WDR33: variants seen among roughly 807,000 people sequenced by gnomAD.
WDR33 encodes pre-mRNA 3' end processing protein WDR33.
A neutral mutation model predicts 164.9 loss-of-function variants in WDR33; 47 were observed. The observed-to-expected ratio is 0.29, with a 90% CI of 0.23 to 0.36. The LOEUF is 0.36. WDR33 is among the 10% of genes least tolerant of loss of function. The pLI is 1.00. For synonymous variants in WDR33, 505 were observed against 589.0 expected, an observed-to-expected ratio of 0.86 and a Z score of 2.06; for missense variants, 1,137 against 1,754.1, an observed-to-expected ratio of 0.65 and a Z score of 6.28.
At chr2:127,800,721 T>A (rs917256693) in intron 1 of WDR33, among the ~76,000 whole-genome samples, 3 of 151,408 alleles carry the variant, frequency 2.0e-5, no homozygotes, top group Admixed American at 6.6e-5. Context: ...AATAAAACCA[T>A]AGACTTTACA....
At chr2:127,751,490 A>G (rs1405781384) in intron 7 of WDR33, among the ~76,000 whole-genome samples, 1 of 150,232 alleles carries the variant, frequency 6.7e-6, no homozygotes, top group African/African-American at 2.4e-5. Flanking sequence ...GTTTGAGGTT[A>G]TGGTGAGCTA....
At chr2:127,752,873 C>T (rs1687413456) in intron 7 of WDR33, among the ~76,000 whole-genome samples, 1 of 152,204 alleles carries the variant, frequency 6.6e-6, no homozygotes. Flanking sequence ...TTATCTGATG[C>T]ATCTAACAAC....
At position 127,701,429 on chromosome 2, in the gene WDR33, T is replaced by G; in HGVS notation, c.*4894A>C. 1 of 1,159,710 alleles carries G rather than the reference T, an allele frequency of 8.6e-7. No individual in the cohort carries two copies. The highest frequency in any genetic ancestry group is 1.1e-6 in the Non-Finnish European group (1 of 922,232). The allele number at this position is 1,159,710 out of a possible 1,614,324, so 71.8% of individuals were successfully genotyped here. On this transcript the variant is annotated 3_prime_UTR_variant, in exon 22 of 22. Transcript: ENST00000322313. Reference sequence around the variant, plus strand: ...CGCGAGCGCCGCAGGCCCTGCCCCTTTCGCCGTCGCCGACCAATTGCCGCC... The same window carrying G: ...CGCGAGCGCCGCAGGCCCTGCCCCTGTCGCCGTCGCCGACCAATTGCCGCC...
At chr2:127,765,007 A>T (rs369853071) in intron 5 of WDR33, 28 bp from the exon 6 acceptor site, 13 of 1,609,420 alleles carry the variant, frequency 8.1e-6, no homozygotes, top group Admixed American at 1.7e-5. Context: ...ATTAATTAGT[A>T]AGGTGCTGCT....
At chr2:127,785,119 G>C (rs1324110108) in intron 1 of WDR33, among the ~76,000 whole-genome samples, 1 of 152,130 alleles carries the variant, frequency 6.6e-6, no homozygotes, top group African/African-American at 2.4e-5. Flanking sequence ...ACCCAGGTAT[G>C]AATGCCATAG....
intron 7 of WDR33, among the ~76,000 whole-genome samples, chr2:127,747,254 C>T (rs143449089): frequency 2.4e-4 from 37 of 152,126 alleles, no homozygotes; most frequent in Non-Finnish European, 4.7e-4. Context: ...TTTTTCCATA[C>T]GAAATTATGT....
At position 127,782,484 on chromosome 2, in the gene WDR33, T is replaced by C. The variant is rs184529759; in HGVS notation, c.-23-11480A>G. On this transcript the variant is annotated intron_variant, in intron 1 of 21. Transcript: ENST00000322313. ...GTGGCAGTTTTCTAGCTTTCTAGCG[T>C]TCAGGTACGGCCTTAGTTGCATAAT... is the stretch of plus-strand genomic sequence containing the variant. Among the ~76,000 whole-genome samples, 244 of 152,262 alleles carry C rather than the reference T, an allele frequency of 1.6e-3. 1 individual carries two copies. The highest frequency in any genetic ancestry group is 4.3e-3 in the Admixed American group (65 of 15,292).
chr2:127,731,232 T>G (rs1448486203), intron 7 of WDR33, among the ~76,000 whole-genome samples: 7 of 142,580 alleles, frequency 4.9e-5, no homozygotes, highest in Non-Finnish European at 7.5e-5. Flanking sequence ...GAGGCGGAGG[T>G]TGCAGTGAGC....
In WDR33 at chr2:127,704,988, G is replaced by A. The variant is rs1362524931; in HGVS notation, c.*1335C>T. 1.9e-5 allele frequency: 3 copies of A among 159,452 alleles called. No individual in the cohort carries two copies. The Admixed American group carries it at 2.0e-4, about 10-fold the overall frequency. The allele number at this position is 159,452 out of a possible 1,614,324, so 9.9% of individuals were successfully genotyped here. On this transcript the variant is annotated 3_prime_UTR_variant, in exon 22 of 22. Coordinates refer to ENST00000322313, the MANE Select transcript of WDR33 (RefSeq NM_018383.5). ...CATATGCCTGTAGTCCTAGCTACTA[G>A]GGAGGCTGAGGCAGGGTCAAAGCTG... is the stretch of plus-strand genomic sequence containing the variant.
At chr2:127,773,787 G>A (rs933256692) in intron 1 of WDR33, among the ~76,000 whole-genome samples, 2 of 152,028 alleles carry the variant, frequency 1.3e-5, no homozygotes, top group Non-Finnish European at 2.9e-5. Flanking sequence ...TATTTGAGAT[G>A]GGGTCTCGCT....
chr2:127,804,056 TCA>T (rs1176528903), intron 1 of WDR33, among the ~76,000 whole-genome samples: 1 of 151,580 alleles, frequency 6.6e-6, no homozygotes, highest in Non-Finnish European at 1.5e-5. Context: ...GTGCGGTGGC[TCA>T]CACCCGTAAT....
At chr2:127,732,308 T>C (rs1339286884) in intron 7 of WDR33, among the ~76,000 whole-genome samples, 1 of 150,684 alleles carries the variant, frequency 6.6e-6, no homozygotes, top group Non-Finnish European at 1.5e-5. Context: ...ACTTTTTTCT[T>C]TTTTTTTTGA....
intron 7 of WDR33, chr2:127,736,102 C>T (rs942602509): frequency 1.0e-6 from 1 of 985,258 alleles, no homozygotes; most frequent in African/African-American, 1.7e-5. Flanking sequence ...GTCTGAGAGC[C>T]TTCAGTCCTT....
chr2:127,762,257 A>G (rs1687700466), intron 7 of WDR33, among the ~76,000 whole-genome samples: 1 of 152,190 alleles, frequency 6.6e-6, no homozygotes, highest in Non-Finnish European at 1.5e-5. Flanking sequence ...AAAAGGTTCA[A>G]ATTAAGCACT....
chr2:127,732,447 C>T (rs560273241), intron 7 of WDR33, among the ~76,000 whole-genome samples: 10 of 152,086 alleles, frequency 6.6e-5, no homozygotes, highest in Admixed American at 2.0e-4. Context: ...TCAGCCTCCC[C>T]GGTAGCTGGG....
At chr2:127,728,228 T>C (rs187291165) in intron 7 of WDR33, among the ~76,000 whole-genome samples, 3 of 152,318 alleles carry the variant, frequency 2.0e-5, no homozygotes, top group Admixed American at 1.3e-4. Context: ...GTGTGGCATA[T>C]GTACTTAAAG....
Position 127,712,782 on chromosome 2 carries a change from A to G in WDR33, c.3308+801T>C, listed in dbSNP as rs751198035. On this transcript the variant is annotated intron_variant, in intron 18 of 21. Transcript: ENST00000322313. The surrounding 1 kb of genome is among the most constrained non-coding windows in gnomAD (Gnocchi z 4.0). ...TTTTGTTTTGTTTTTCTTTTAAGAG[A>G]CAGGGTCTTGCTCTGTAGCCCAGGC... Among the ~76,000 whole-genome samples, 33 of 152,086 alleles carry G rather than the reference A, an allele frequency of 2.2e-4. No individual in the cohort carries two copies. The highest frequency in any genetic ancestry group is 1.9e-4 in the Non-Finnish European group (13 of 68,024).
In WDR33 at chr2:127,774,824, C is replaced by T. The variant is rs915989625; in HGVS notation, c.-23-3820G>A. Among the ~76,000 whole-genome samples the T allele has an allele frequency of 2.7e-4, 40 of 149,410 alleles. 1 individual carries two copies. Among genetic ancestry groups the T allele is most frequent in the East Asian group, 1.4e-3 (7 of 5,130 alleles). The stretch of plus-strand genomic sequence containing the variant: ...CAGCCTGGGCGACAGAGTGAGACTC[C>T]GTCTCAAAAAAAAAGAAAAAAAAAA... On this transcript the variant is annotated intron_variant, in intron 1 of 21. Coordinates refer to ENST00000322313, the MANE Select transcript of WDR33 (RefSeq NM_018383.5).
intron 1 of WDR33, among the ~76,000 whole-genome samples, chr2:127,784,339 T>C (rs1236979015): frequency 6.6e-6 from 1 of 152,206 alleles, no homozygotes; most frequent in Non-Finnish European, 1.5e-5. Context: ...CAAGCACTAA[T>C]TTATGAAATA....
Sources: gnomAD v4.1 joint callset for allele counts (sites outside exome capture counted in the v4.1 genomes callset) on GRCh38, gnomAD v4.1.1 for gene constraint, Gnocchi (gnomAD v3.1) non-coding constraint, MANE v1.5 for transcripts, NCBI Gene and HGNC (gene_info 2026-07-23, HGNC 2026-07-21) for gene names.